The following TMEM163 variants were observed in gnomAD, a reference collection of about 807,000 sequenced individuals.
TMEM163 encodes transmembrane protein 163.
TMEM163 carries 17 observed loss-of-function variants against 29.3 expected under a neutral mutation model. The observed-to-expected ratio is 0.58, with a 90% CI of 0.40 to 0.87. The LOEUF is 0.87. Among genes scored for constraint, TMEM163 ranks in the 40% least tolerant of loss-of-function variants. The probability of loss-of-function intolerance (pLI) is 0.00; values close to 1 mark genes in which losing one functional copy is unlikely to be tolerated. For synonymous variants in TMEM163, 157 were observed against 160.6 expected (o/e 0.98, Z 0.17); for missense variants, 303 against 381.5 (o/e 0.79, Z 1.71).
chr2:134,495,805 A>T (rs973635069), intron 5 of TMEM163, among the ~76,000 whole-genome samples: 19 of 152,230 alleles, frequency 1.2e-4, no homozygotes, highest in African/African-American at 4.1e-4. Context: ...TACCTAAGTT[A>T]GTGTCACAAG....
intron 5 of TMEM163, chr2:134,467,804 G>C (rs1204468464): frequency 1.3e-5 from 2 of 152,256 alleles, no homozygotes; most frequent in African/African-American, 4.8e-5. Flanking sequence ...TGTGTGCGAT[G>C]TTAACAGTAG....
intron 4 of TMEM163, among the ~76,000 whole-genome samples, chr2:134,530,181 C>T (rs1032321358): frequency 2.0e-5 from 3 of 152,188 alleles, no homozygotes; most frequent in Admixed American, 1.3e-4. Flanking sequence ...AGAAATGCCC[C>T]AGAAACAACC....
chr2:134,465,524 G>C (rs113134652), intron 6 of TMEM163, among the ~76,000 whole-genome samples: 1 of 152,148 alleles, frequency 6.6e-6, no homozygotes, highest in Non-Finnish European at 1.5e-5. Flanking sequence ...GGCCTGAAAC[G>C]TACTTTTCCT....
chr2:134,682,694 G>C (rs867764698), intron 2 of TMEM163, among the ~76,000 whole-genome samples: 1 of 152,148 alleles, frequency 6.6e-6, no homozygotes, highest in Non-Finnish European at 1.5e-5. Context: ...TTACTGCCGG[G>C]AATACAAAAT....
intron 4 of TMEM163, among the ~76,000 whole-genome samples, chr2:134,514,383 CTT>C (rs150211429): frequency 1.7e-3 from 219 of 125,576 alleles, no homozygotes; most frequent in African/African-American, 5.3e-3. Flanking sequence ...TACTGATGAT[CTT>C]TTTTTTTTTT....
At chr2:134,670,042 T>C (rs530078051) in intron 2 of TMEM163, among the ~76,000 whole-genome samples, 4 of 152,076 alleles carry the variant, frequency 2.6e-5, no homozygotes, top group African/African-American at 7.2e-5. Flanking sequence ...ACCGAAACCA[T>C]AAGCAATAAA....
At position 134,718,720 on chromosome 2, in the gene TMEM163, C is replaced by T; in HGVS notation, c.202+14G>A. ...CACCCCGGTCGCCGGCCGGGTCGGG[C>T]AGCTCGCGCTCACCTCGGTCCTCCA... is the stretch of plus-strand genomic sequence containing the variant. On this transcript the variant is annotated intron_variant, in intron 1 of 7. Transcript: ENST00000281924. The T allele has an allele frequency of 8.7e-7, 1 of 1,148,126 alleles. No homozygotes were observed. Among genetic ancestry groups the T allele is most frequent in the Non-Finnish European group, 1.1e-6 (1 of 934,070 alleles). 71.1% of individuals were successfully genotyped at this position (1,148,126 alleles called of 1,614,324 possible). A position where few individuals can be genotyped will look rare whatever the true frequency, so the allele number is the denominator to read the frequency against.
Position 134,495,037 on chromosome 2 carries a change from T to G in TMEM163, c.555+7864A>C, listed in dbSNP as rs1679517771. On this transcript the variant is annotated intron_variant, in intron 5 of 7. Transcript: ENST00000281924. ...TCAAACGTTTCCTGCCTCCAAAGGG[T>G]TGCCGTGAAGAATCTACTGCCAGGG... Among the ~76,000 whole-genome samples, 5 of 152,120 alleles carry G rather than the reference T, an allele frequency of 3.3e-5. No homozygotes were observed. The South Asian group carries it at 1.0e-3, about 31-fold the overall frequency.
intron 4 of TMEM163, among the ~76,000 whole-genome samples, chr2:134,530,646 T>C (rs1309247321): frequency 6.6e-6 from 1 of 152,148 alleles, no homozygotes; most frequent in Non-Finnish European, 1.5e-5. Context: ...ACCCAAACCA[T>C]TTTTATTCTA....
rs138062067 is a variant in TMEM163 at position 134,551,278 on chromosome 2, GGT to G, written c.367-619_367-618del. ...TACGTGTGTATATGTGGTATGTCTG[GGT>G]GTGTGTGTGTGTGGTGGTGTGCCTT... On this transcript the variant is annotated intron_variant, in intron 3 of 7. Transcript: ENST00000281924. Among the ~76,000 whole-genome samples, 271 of 150,858 alleles carry G rather than the reference GGT, an allele frequency of 1.8e-3. 1 individual carries two copies. The highest frequency in any genetic ancestry group is 3.4e-3 in the Middle Eastern group (1 of 292).
At chr2:134,519,468 T>G (rs1410466979) in intron 4 of TMEM163, among the ~76,000 whole-genome samples, 1 of 151,946 alleles carries the variant, frequency 6.6e-6, no homozygotes, top group African/African-American at 2.4e-5. Flanking sequence ...TCCCAGCACT[T>G]TAGGAGGCCG....
chr2:134,503,624 T>C (rs1309669503), intron 4 of TMEM163, among the ~76,000 whole-genome samples: 2 of 152,140 alleles, frequency 1.3e-5, no homozygotes, highest in Non-Finnish European at 2.9e-5. Context: ...AGAAATGATT[T>C]GGTAATGACA....
At chr2:134,628,525 G>A (rs564398464) in intron 2 of TMEM163, among the ~76,000 whole-genome samples, 25 of 152,346 alleles carry the variant, frequency 1.6e-4, no homozygotes, top group Middle Eastern at 3.4e-3. Context: ...TGAGGGACTG[G>A]AGTGTGATTA....
chr2:134,478,486 A>G (rs778532813), intron 5 of TMEM163, among the ~76,000 whole-genome samples: 2 of 152,226 alleles, frequency 1.3e-5, no homozygotes, highest in Non-Finnish European at 2.9e-5. Flanking sequence ...AAGATTGCCC[A>G]CGTATGCCTT....
chr2:134,516,298 C>T (rs893427038), intron 4 of TMEM163, among the ~76,000 whole-genome samples: 4 of 152,094 alleles, frequency 2.6e-5, no homozygotes, highest in Admixed American at 2.0e-4. Context: ...CAGTGGCTCA[C>T]ACCTGTAATC....
intron 2 of TMEM163, among the ~76,000 whole-genome samples, chr2:134,711,011 G>A (rs1008432189): frequency 6.6e-6 from 1 of 152,162 alleles, no homozygotes; most frequent in Non-Finnish European, 1.5e-5. Context: ...TGAAGAGTAG[G>A]ACTGGGAGTT....
chr2:134,635,048 T>C (rs1683073743), intron 2 of TMEM163, among the ~76,000 whole-genome samples: 3 of 152,218 alleles, frequency 2.0e-5, no homozygotes, highest in Admixed American at 2.0e-4. Flanking sequence ...TCATTGCTGT[T>C]GATGGAGAAG....
chr2:134,575,208 A>G (rs1681525695), intron 2 of TMEM163, among the ~76,000 whole-genome samples: 1 of 152,188 alleles, frequency 6.6e-6, no homozygotes, highest in African/African-American at 2.4e-5. Flanking sequence ...AACCACAGGT[A>G]CTGAGAGCTG....
At chr2:134,574,014 A>T (rs1681492845) in intron 2 of TMEM163, among the ~76,000 whole-genome samples, 1 of 152,240 alleles carries the variant, frequency 6.6e-6, no homozygotes, top group African/African-American at 2.4e-5. Context: ...TACTGCCCAG[A>T]AGTTTGTGTT....
Sources: gnomAD v4.1 joint callset for allele counts (sites outside exome capture counted in the v4.1 genomes callset) on GRCh38, gnomAD v4.1.1 for gene constraint, MANE v1.5 for transcripts, NCBI Gene and HGNC (gene_info 2026-07-23, HGNC 2026-07-21) for gene names.